TNIK: variants seen among roughly 807,000 people sequenced by gnomAD.
TNIK encodes TRAF2 and NCK interacting kinase.
TNIK carries 49 observed loss-of-function variants against 191.3 expected under a neutral mutation model. That is an observed-to-expected ratio of 0.26 (90% CI 0.20 to 0.32). The LOEUF (loss-of-function observed/expected upper bound fraction) is 0.32, where lower values mean the gene tolerates loss of function less well. Ranked by LOEUF, TNIK falls within the 10% of genes least tolerant of loss-of-function variation. The pLI is 1.00. For missense variants in TNIK, 1,155 were observed against 1,702.3 expected, an observed-to-expected ratio of 0.68 and a Z score of 5.66; for synonymous variants, 594 against 600.9, an observed-to-expected ratio of 0.99 and a Z score of 0.17.
chr3:171,415,642 C>T (rs184724485), intron 1 of TNIK, among the ~76,000 whole-genome samples: 84 of 152,130 alleles, frequency 5.5e-4, no homozygotes, highest in African/African-American at 1.9e-3. Flanking sequence ...ACTCCAACAA[C>T]TGTTACAATA....
chr3:171,319,118 G>A (rs1754933167), intron 2 of TNIK, among the ~76,000 whole-genome samples: 1 of 152,126 alleles, frequency 6.6e-6, no homozygotes, highest in South Asian at 2.1e-4. Context: ...TTTCGAAGCT[G>A]CCGTGAGCTT....
At chr3:171,314,970 T>C (rs1754444894) in intron 2 of TNIK, among the ~76,000 whole-genome samples, 1 of 152,104 alleles carries the variant, frequency 6.6e-6, no homozygotes, top group African/African-American at 2.4e-5. Flanking sequence ...AATCAACAAC[T>C]GTAAAATGTT....
chr3:171,153,365 T>G (rs1164551494), intron 12 of TNIK, among the ~76,000 whole-genome samples: 1 of 152,180 alleles, frequency 6.6e-6, no homozygotes, highest in Non-Finnish European at 1.5e-5. Flanking sequence ...TTTCTTATTT[T>G]TGACCCCTCT....
At chr3:171,271,158 C>A (rs1039104699) in intron 2 of TNIK, among the ~76,000 whole-genome samples, 2 of 152,214 alleles carry the variant, frequency 1.3e-5, no homozygotes, top group Non-Finnish European at 2.9e-5. Flanking sequence ...GGTTTGAAAC[C>A]TCAGTCTTCA....
At chr3:171,168,420 C>T (rs1190844809) in intron 9 of TNIK, among the ~76,000 whole-genome samples, 1 of 152,160 alleles carries the variant, frequency 6.6e-6, no homozygotes, top group East Asian at 1.9e-4. Flanking sequence ...ACATACTCTC[C>T]AGGCCTGAGA....
At chr3:171,200,810 A>G (rs58106838) in intron 4 of TNIK, among the ~76,000 whole-genome samples, 41,125 of 152,018 alleles carry the variant, frequency 0.27, 5,861 homozygotes, top group East Asian at 0.5. Flanking sequence ...TGGGGTCCCT[A>G]AAGTATTCAC....
chr3:171,392,727 C>T lies in TNIK; in HGVS notation c.58-23042G>A, dbSNP rs547547649. On this transcript the variant is annotated intron_variant, in intron 1 of 32. Coordinates refer to ENST00000436636, the MANE Select transcript of TNIK (RefSeq NM_015028.4). ...CCAGAAGGTGGAGGCTGCAGTGAGC[C>T]GAGATCGTGCCATTGCACTCCAGCC... Among the ~76,000 whole-genome samples the T allele has an allele frequency of 4.3e-5, 6 of 139,104 alleles. No individual in the cohort carries two copies. The East Asian group carries it at 8.0e-4, about 19-fold the overall frequency. The allele number at this position is 139,104 out of a possible 152,430, so 91.3% of individuals were successfully genotyped here. A position where few individuals can be genotyped will look rare whatever the true frequency, so the allele number is the denominator to read the frequency against.
At chr3:171,143,703 A>G (rs994353865) in intron 12 of TNIK, among the ~76,000 whole-genome samples, 1 of 151,944 alleles carries the variant, frequency 6.6e-6, no homozygotes, top group Non-Finnish European at 1.5e-5. Flanking sequence ...ACTTGTTTTT[A>G]TCTCCCATTG....
intron 12 of TNIK, among the ~76,000 whole-genome samples, chr3:171,148,049 G>A (rs1006337333): frequency 6.6e-6 from 1 of 152,138 alleles, no homozygotes; most frequent in African/African-American, 2.4e-5. Flanking sequence ...CATTGGGAAA[G>A]CTAGACAGGC....
intron 3 of TNIK, among the ~76,000 whole-genome samples, chr3:171,216,673 A>G (rs1741489005): frequency 6.6e-6 from 1 of 152,208 alleles, no homozygotes; most frequent in South Asian, 2.1e-4. Context: ...ATATGTTAAA[A>G]TATATTTAAA....
intron 2 of TNIK, among the ~76,000 whole-genome samples, chr3:171,350,703 C>G (rs1713027029): frequency 6.6e-6 from 1 of 151,266 alleles, no homozygotes; most frequent in Non-Finnish European, 1.5e-5. Context: ...TGAGTACTCA[C>G]TGTATACCTA....
chr3:171,390,935 C>T (rs1009977468), intron 1 of TNIK, among the ~76,000 whole-genome samples: 7 of 152,210 alleles, frequency 4.6e-5, no homozygotes, highest in Admixed American at 4.6e-4. Flanking sequence ...TCTGAAAGGA[C>T]TCTAATATCT....
In TNIK at chr3:171,260,801, A is replaced by G. The variant is rs144459001; in HGVS notation, c.124-32580T>C. Among the ~76,000 whole-genome samples, 3 of 152,288 alleles carry G rather than the reference A, an allele frequency of 2.0e-5. No individual in the cohort carries two copies. In the East Asian group the frequency reaches 5.8e-4, roughly 29 times the overall value. Reference sequence around the variant, plus strand: ...CTCAATAGAACCTTCCTTTCCTTTAATGGCTAAAATGCTTTACAAAATTCC... The same window carrying G: ...CTCAATAGAACCTTCCTTTCCTTTAGTGGCTAAAATGCTTTACAAAATTCC... On this transcript the variant is annotated intron_variant, in intron 2 of 32. Transcript: ENST00000436636.
At chr3:171,451,998 C>T (rs560797647) in intron 1 of TNIK, among the ~76,000 whole-genome samples, 3 of 152,286 alleles carry the variant, frequency 2.0e-5, no homozygotes, top group East Asian at 3.9e-4. Flanking sequence ...TTAAAGTCTA[C>T]AAATTTCCTA....
chr3:171,082,016 GC>G (rs1720758242), intron 27 of TNIK, among the ~76,000 whole-genome samples: 1 of 152,148 alleles, frequency 6.6e-6, no homozygotes, highest in South Asian at 2.1e-4. Flanking sequence ...TAAATATATA[GC>G]CTTTGTGGTA....
intron 2 of TNIK, among the ~76,000 whole-genome samples, chr3:171,338,734 C>A (rs1034899886): frequency 6.6e-6 from 1 of 151,752 alleles, no homozygotes; most frequent in Admixed American, 6.6e-5. Context: ...AACTCCTGAC[C>A]CCAGGGAATT....
At chr3:171,452,388 A>C (rs751003790) in intron 1 of TNIK, among the ~76,000 whole-genome samples, 4 of 152,110 alleles carry the variant, frequency 2.6e-5, no homozygotes, top group Non-Finnish European at 5.9e-5. Context: ...ATATTCCAGG[A>C]ATATGCATCC....
chr3:171,451,043 G>A (rs1728109249), intron 1 of TNIK, among the ~76,000 whole-genome samples: 1 of 152,182 alleles, frequency 6.6e-6, no homozygotes, highest in Admixed American at 6.5e-5. Context: ...TGTTTAGTAG[G>A]GAGCCTCTAA....
intron 2 of TNIK, among the ~76,000 whole-genome samples, chr3:171,241,719 T>C (rs1485691632): frequency 6.6e-6 from 1 of 152,202 alleles, no homozygotes; most frequent in Non-Finnish European, 1.5e-5. Flanking sequence ...AGGTAGCAGT[T>C]AAGAATGAGG....
Sources: gnomAD v4.1 joint callset for allele counts (sites outside exome capture counted in the v4.1 genomes callset) on GRCh38, gnomAD v4.1.1 for gene constraint, MANE v1.5 for transcripts, NCBI Gene and HGNC (gene_info 2026-07-23, HGNC 2026-07-21) for gene names.